LRRC7: variants seen among roughly 807,000 people sequenced by gnomAD.
LRRC7 encodes leucine rich repeat containing 7.
In LRRC7, 23 loss-of-function variants were observed where a neutral mutation model predicts 175.7. That is an observed-to-expected ratio of 0.13 (90% CI 0.09 to 0.19). The LOEUF (loss-of-function observed/expected upper bound fraction) is 0.19. Ranked by LOEUF, LRRC7 falls within the 10% of genes least tolerant of loss-of-function variation. The pLI is 1.00. For synonymous variants in LRRC7, 685 were observed against 680.9 expected (o/e 1.01, Z -0.09); for missense variants, 1,354 against 1,904.7 (o/e 0.71, Z 5.38).
intron 8 of LRRC7, among the ~76,000 whole-genome samples, chr1:69,963,906 C>T (rs1017024387): frequency 6.6e-6 from 1 of 152,140 alleles, no homozygotes; most frequent in African/African-American, 2.4e-5. Flanking sequence ...CTACTCAGTA[C>T]ATGATAGGCC....
chr1:69,833,105 C>CAA (rs58086597), intron 5 of LRRC7, among the ~76,000 whole-genome samples: 14 of 143,290 alleles, frequency 9.8e-5, no homozygotes, highest in Non-Finnish European at 1.5e-4. Flanking sequence ...AACTCTATTT[C>CAA]AAAAAAAAAA....
chr1:70,046,855 ACT>A (rs1660370789), intron 22 of LRRC7, among the ~76,000 whole-genome samples: 1 of 151,892 alleles, frequency 6.6e-6, no homozygotes, highest in Admixed American at 6.6e-5. Context: ...CTAGAGTCAA[ACT>A]CTCTTTAAAA....
At chr1:70,082,449 C>G (rs1204055633) in intron 24 of LRRC7, among the ~76,000 whole-genome samples, 10 of 152,102 alleles carry the variant, frequency 6.6e-5, no homozygotes, top group Non-Finnish European at 1.3e-4. Flanking sequence ...ATTTGTAATT[C>G]ATAGTTTGAC....
chr1:69,877,880 T>A (rs1276467408), intron 7 of LRRC7, among the ~76,000 whole-genome samples: 1 of 152,052 alleles, frequency 6.6e-6, no homozygotes, highest in African/African-American at 2.4e-5. Flanking sequence ...ACAAACAGAA[T>A]AGACATATTT....
At chr1:69,950,790 C>T (rs537862704) in intron 8 of LRRC7, among the ~76,000 whole-genome samples, 1 of 151,846 alleles carries the variant, frequency 6.6e-6, no homozygotes, top group East Asian at 1.9e-4. Context: ...AAATAAAGAA[C>T]TGAAAGAACA....
In LRRC7 at chr1:69,852,856, G is replaced by GAA. The variant is rs1418844300; in HGVS notation, c.647+14574_647+14575insAA. On this transcript the variant is annotated intron_variant, in intron 7 of 26. Transcript: ENST00000651989. ...GAAAATGTGTTCTAAAGAAAGAAAT[G>GAA]ATGAAGAAGTTACAGTGTATTGTAA... Among the ~76,000 whole-genome samples the GAA allele has an allele frequency of 1.4e-4, 21 of 152,290 alleles. No individual in the cohort carries two copies. The East Asian group carries it at 3.7e-3, about 27-fold the overall frequency.
chr1:69,582,013 G>T (rs1383381791), intron 1 of LRRC7, among the ~76,000 whole-genome samples: 1 of 152,108 alleles, frequency 6.6e-6, no homozygotes, highest in Non-Finnish European at 1.5e-5. Context: ...TCTGGGCAAG[G>T]TTACACCCAT....
At chr1:69,774,402 C>CA (rs1001354165) in intron 3 of LRRC7, among the ~76,000 whole-genome samples, 7 of 150,628 alleles carry the variant, frequency 4.6e-5, no homozygotes, top group South Asian at 2.1e-4. Flanking sequence ...ACTTCAGGAA[C>CA]AAAAAAAAAC....
chr1:70,013,067 G>A lies in LRRC7; in HGVS notation c.1228G>A (p.Val410Ile). ...GATTGGACAGATGCAGAAACTAAGA[G>A]TCCTAAATTTGAGTGACAACAGGTA... ...EEIGQMQKLR[V>I]LNLSDNRLKN... is the part of the protein sequence containing the mutation. The change falls in exon 13 of 27, where the codon GTC (valine) becomes ATC (isoleucine). Residue 410 changes from valine to isoleucine, a missense_variant. Transcript: ENST00000651989. 1 of 1,579,832 alleles carries A rather than the reference G, an allele frequency of 6.3e-7. No homozygotes were observed. Among genetic ancestry groups the A allele is most frequent in the Non-Finnish European group, 8.6e-7 (1 of 1,160,742 alleles).
At chr1:69,633,257 A>C (rs1652791753) in intron 1 of LRRC7, among the ~76,000 whole-genome samples, 1 of 151,872 alleles carries the variant, frequency 6.6e-6, no homozygotes, top group South Asian at 2.1e-4. Context: ...TTTTTATTTT[A>C]ATTTTCTTGA....
intron 14 of LRRC7, among the ~76,000 whole-genome samples, chr1:70,017,161 G>C (rs958264033): frequency 6.6e-6 from 1 of 151,466 alleles, no homozygotes; most frequent in Non-Finnish European, 1.5e-5. Context: ...TGTAATCCCA[G>C]CTACTCGGGA....
intron 1 of LRRC7, among the ~76,000 whole-genome samples, chr1:69,637,080 T>TCTCTCTCTCTCTCTCTC (rs1553130024): frequency 0.014 from 2,096 of 148,612 alleles, 32 homozygotes; most frequent in Admixed American, 0.023. Flanking sequence ...CCTTCTCTCT[T>TCTCTCTCTCTCTCTCTC]TCTCTCTCTC....
intron 2 of LRRC7, among the ~76,000 whole-genome samples, chr1:69,696,731 T>C (rs943548407): frequency 6.6e-5 from 10 of 152,112 alleles, no homozygotes; most frequent in Admixed American, 3.3e-4. Flanking sequence ...CTGCTCTGAG[T>C]TCATGTGAGA....
chr1:69,615,040 G>C (rs1649397645), intron 1 of LRRC7, among the ~76,000 whole-genome samples: 1 of 151,912 alleles, frequency 6.6e-6, no homozygotes, highest in African/African-American at 2.4e-5. Context: ...AAAACAATCA[G>C]ACCAAATATA....
intron 3 of LRRC7, among the ~76,000 whole-genome samples, chr1:69,789,245 C>T (rs1674838866): frequency 6.6e-6 from 1 of 151,934 alleles, no homozygotes; most frequent in Non-Finnish European, 1.5e-5. Flanking sequence ...CACTTTAGTA[C>T]CCAAATATTT....
At chr1:69,684,234 A>T (rs1167641195) in intron 2 of LRRC7, among the ~76,000 whole-genome samples, 2 of 152,176 alleles carry the variant, frequency 1.3e-5, no homozygotes, top group Non-Finnish European at 2.9e-5. Context: ...AACACATGAC[A>T]TATTGCCTGG....
chr1:69,933,371 G>A (rs186461864), intron 8 of LRRC7, among the ~76,000 whole-genome samples: 107 of 152,288 alleles, frequency 7.0e-4, no homozygotes, highest in African/African-American at 2.5e-3. Flanking sequence ...ATTTATTAAC[G>A]TAGGTAGAGA....
chr1:69,719,808 A>T (rs112763886), intron 2 of LRRC7, among the ~76,000 whole-genome samples: 3 of 151,798 alleles, frequency 2.0e-5, no homozygotes, highest in African/African-American at 7.2e-5. Context: ...CACTCAAAAG[A>T]TAACCACAAT....
chr1:70,097,170 C>CCTATGCACAG (rs1424061620), intron 25 of LRRC7, among the ~76,000 whole-genome samples: 1 of 152,150 alleles, frequency 6.6e-6, no homozygotes, highest in Non-Finnish European at 1.5e-5. Flanking sequence ...CTCTACACCA[C>CCTATGCACAG]CTATGCACAG....
Sources: gnomAD v4.1 joint callset for allele counts (sites outside exome capture counted in the v4.1 genomes callset) on GRCh38, gnomAD v4.1.1 for gene constraint, MANE v1.5 for transcripts, NCBI Gene and HGNC (gene_info 2026-07-23, HGNC 2026-07-21) for gene names.